The following NLGN1 variants were observed in gnomAD, a reference collection of about 807,000 sequenced individuals.
NLGN1 encodes neuroligin 1, also known as neuroligin-1.
A neutral mutation model predicts 65.5 loss-of-function variants in NLGN1; 12 were observed. The ratio of observed to expected loss-of-function variants is 0.18; its 90% CI spans 0.12 to 0.30. The LOEUF (loss-of-function observed/expected upper bound fraction) is 0.30. Among genes scored for constraint, NLGN1 ranks in the 10% least tolerant of loss-of-function variants. NLGN1 has a pLI of 1.00. For synonymous variants in NLGN1, 350 were observed against 359.5 expected, an observed-to-expected ratio of 0.97 and a Z score of 0.30; for missense variants, 750 against 1,007.1, an observed-to-expected ratio of 0.74 and a Z score of 3.46.
intron 3 of NLGN1, among the ~76,000 whole-genome samples, chr3:173,736,113 C>A (rs1773698546): frequency 6.6e-6 from 1 of 151,966 alleles, no homozygotes; most frequent in South Asian, 2.1e-4. Flanking sequence ...AGGTTAGAGA[C>A]AAGATAACAG....
intron 3 of NLGN1, among the ~76,000 whole-genome samples, chr3:173,776,165 A>G (rs1407281186): frequency 1.3e-5 from 2 of 152,084 alleles, no homozygotes; most frequent in African/African-American, 4.8e-5. Flanking sequence ...GTGCAATTCT[A>G]AATAAGTCAA....
intron 3 of NLGN1, among the ~76,000 whole-genome samples, chr3:173,724,883 G>C (rs537911373): frequency 6.6e-6 from 1 of 152,242 alleles, no homozygotes; most frequent in South Asian, 2.1e-4. Context: ...GTCCTTTGTA[G>C]GGACATGGAC....
intron 1 of NLGN1, among the ~76,000 whole-genome samples, chr3:173,400,888 C>T (rs528465380): frequency 2.6e-5 from 4 of 152,234 alleles, no homozygotes; most frequent in Middle Eastern, 3.4e-3. Flanking sequence ...CTTGGCTAAC[C>T]GTGGATTAAG....
intron 2 of NLGN1, among the ~76,000 whole-genome samples, chr3:173,576,394 A>T (rs73044403): frequency 0.052 from 7,930 of 152,202 alleles, 654 homozygotes; most frequent in African/African-American, 0.18. Flanking sequence ...TTATTATCTT[A>T]CAGTTTAGGA....
chr3:173,614,316 T>C (rs1454267530), intron 3 of NLGN1, among the ~76,000 whole-genome samples: 2 of 152,020 alleles, frequency 1.3e-5, no homozygotes, highest in Non-Finnish European at 2.9e-5. Context: ...CTACTCTCAG[T>C]AAAGGAAGAG....
At chr3:173,635,417 A>G (rs964206808) in intron 3 of NLGN1, among the ~76,000 whole-genome samples, 2 of 152,140 alleles carry the variant, frequency 1.3e-5, no homozygotes, top group African/African-American at 4.8e-5. Flanking sequence ...ATCACAGTTG[A>G]GCCGTATCTC....
At chr3:174,024,099 C>T (rs1728331949) in intron 4 of NLGN1, among the ~76,000 whole-genome samples, 2 of 145,774 alleles carry the variant, frequency 1.4e-5, no homozygotes, top group Non-Finnish European at 3.0e-5. Flanking sequence ...GCTTTGTCCA[C>T]TGTCTCCAGT....
chr3:174,253,627 C>T (rs755668577), intron 4 of NLGN1, among the ~76,000 whole-genome samples: 2 of 152,204 alleles, frequency 1.3e-5, no homozygotes, highest in African/African-American at 2.4e-5. Flanking sequence ...GCACCCAGAA[C>T]AGGACCTCAG....
chr3:174,280,670 G>C lies in NLGN1; in HGVS notation c.1839G>C (p.Leu613=). 1 of 1,613,296 alleles carries C rather than the reference G, an allele frequency of 6.2e-7. No homozygotes were observed. The highest frequency in any genetic ancestry group is 8.5e-7 in the Non-Finnish European group (1 of 1,179,516). Residue 613 remains leucine, a synonymous_variant, in exon 7 of 7, where the codon CTG becomes CTC. Coordinates refer to ENST00000457714, the Ensembl canonical transcript of NLGN1. This position sits in a 1 kb window ranked among gnomAD's most constrained non-coding sequence, Gnocchi z 4.9. Reference sequence around the variant, plus strand: ...TCTGGTTGGAGTTGGTACCTCATCTGCATAATCTCAATGACATTTCTCAGT... The same window carrying C: ...TCTGGTTGGAGTTGGTACCTCATCTCCATAATCTCAATGACATTTCTCAGT...
chr3:174,279,461 C>G lies in NLGN1; in HGVS notation c.1460C>G (p.Ala487Gly). ...TTTGGTTCACCTACGTACTTCTATG[C>G]CTTTTACCATCATTGCCAAACAGAT... The change falls in exon 6 of 7, where the codon GCC becomes GGC. Residue 487 changes from alanine (A) to glycine (G), a missense_variant. Physicochemically the swap from Ala to Gly is moderately conservative, Grantham distance 60. Transcript: ENST00000457714. The surrounding 1 kb of genome is among the most constrained non-coding windows in gnomAD (Gnocchi z 4.7). 1 of 1,613,250 alleles carries G rather than the reference C, an allele frequency of 6.2e-7. No homozygotes were observed. Among genetic ancestry groups the G allele is most frequent in the Non-Finnish European group, 8.5e-7 (1 of 1,179,548 alleles).
At chr3:173,627,747 T>C (rs1463993039) in intron 3 of NLGN1, among the ~76,000 whole-genome samples, 2 of 152,070 alleles carry the variant, frequency 1.3e-5, no homozygotes, top group Non-Finnish European at 2.9e-5. Context: ...TTGTAGCAAA[T>C]GAAAGTACCT....
At chr3:173,583,819 C>T (rs1746803243) in intron 2 of NLGN1, among the ~76,000 whole-genome samples, 2 of 152,154 alleles carry the variant, frequency 1.3e-5, no homozygotes, top group South Asian at 2.1e-4. Context: ...GGAGCTATCA[C>T]TTGCTTTGCT....
chr3:173,773,237 G>A (rs893362618), intron 3 of NLGN1, among the ~76,000 whole-genome samples: 2 of 152,184 alleles, frequency 1.3e-5, no homozygotes, highest in Non-Finnish European at 2.9e-5. Context: ...CAGACTGGAA[G>A]TGAGGTGAAG....
Position 174,201,346 on chromosome 3 carries a change from TGAAGGAAG to T in NLGN1, c.647-73945_647-73938del, listed in dbSNP as rs750062965. On this transcript the variant is annotated intron_variant, in intron 4 of 6. Coordinates refer to ENST00000457714, the Ensembl canonical transcript of NLGN1. ...GCGGGAGGAGGGAAGGTGGGAGGAA[TGAAGGAAG>T]GAAGGAAGGAAGGAAGGAAGGAAAG... is the stretch of plus-strand genomic sequence containing the variant. Among the ~76,000 whole-genome samples the T allele has an allele frequency of 7.0e-3, 194 of 27,658 alleles. 2 individuals carry two copies. Among genetic ancestry groups the T allele is most frequent in the African/African-American group, 0.017 (171 of 10,000 alleles). The allele number at this position is 27,658 out of a possible 152,430, so 18.1% of individuals were successfully genotyped here.
chr3:174,283,945 A>G (rs1434275280), exon 7 of NLGN1: 1 of 151,442 alleles, frequency 6.6e-6, no homozygotes, highest in African/African-American at 2.4e-5. Flanking sequence ...GAATACTTTC[A>G]TATGCATTGC....
At chr3:173,685,786 A>T (rs1050547523) in intron 3 of NLGN1, 1 of 985,298 alleles carries the variant, frequency 1.0e-6, no homozygotes, top group Non-Finnish European at 1.2e-6. Context: ...GTGCTGTGTC[A>T]AAAAGGTAAG....
chr3:173,903,074 G>A (rs553139302), intron 4 of NLGN1, among the ~76,000 whole-genome samples: 4 of 152,144 alleles, frequency 2.6e-5, no homozygotes, highest in Non-Finnish European at 4.4e-5. Context: ...TTCTGGAAAA[G>A]TTTAGCATGA....
intron 4 of NLGN1, among the ~76,000 whole-genome samples, chr3:174,138,189 G>T (rs1051146488): frequency 1.3e-5 from 2 of 151,964 alleles, no homozygotes; most frequent in South Asian, 4.1e-4. Flanking sequence ...GAATTTACCC[G>T]CATACTATAT....
intron 2 of NLGN1, among the ~76,000 whole-genome samples, chr3:173,507,463 A>G (rs1400375408): frequency 6.6e-6 from 1 of 152,156 alleles, no homozygotes. Flanking sequence ...AATAGGAGAA[A>G]ATATATTTGA....
Sources: gnomAD v4.1 joint callset for allele counts (sites outside exome capture counted in the v4.1 genomes callset) on GRCh38, gnomAD v4.1.1 for gene constraint, Gnocchi (gnomAD v3.1) non-coding constraint, MANE v1.5 for transcripts, NCBI Gene and HGNC (gene_info 2026-07-23, HGNC 2026-07-21) for gene names.